LHFPL6: variants seen among roughly 807,000 people sequenced by gnomAD.
LHFPL6 encodes LHFPL tetraspan subfamily member 6.
A neutral mutation model predicts 20.6 loss-of-function variants in LHFPL6; 9 were observed. The ratio of observed to expected loss-of-function variants is 0.44; its 90% CI spans 0.26 to 0.76. The LOEUF (loss-of-function observed/expected upper bound fraction) is 0.76, where lower values mean the gene tolerates loss of function less well. LHFPL6 is among the 30% of genes least tolerant of loss of function. The pLI is 0.20. For synonymous variants in LHFPL6, 105 were observed against 98.7 expected (o/e 1.06, Z -0.38); for missense variants, 218 against 253.5 (o/e 0.86, Z 0.95).
intron 2 of LHFPL6, among the ~76,000 whole-genome samples, chr13:39,445,373 G>C (rs774267526): frequency 6.6e-6 from 1 of 152,136 alleles, no homozygotes; most frequent in Non-Finnish European, 1.5e-5. Flanking sequence ...TCAGGACTTT[G>C]TGAAGATTTA....
chr13:39,451,577 G>C (rs2138421427), intron 2 of LHFPL6, among the ~76,000 whole-genome samples: 1 of 152,302 alleles, frequency 6.6e-6, no homozygotes, highest in South Asian at 2.1e-4. Context: ...GAACTCAAAT[G>C]TATGCTCTTC....
intron 2 of LHFPL6, among the ~76,000 whole-genome samples, chr13:39,577,429 A>G (rs1872150400): frequency 6.6e-6 from 1 of 152,198 alleles, no homozygotes; most frequent in South Asian, 2.1e-4. Flanking sequence ...TGTGCTTCCA[A>G]GTACAAGTTA....
intron 2 of LHFPL6, among the ~76,000 whole-genome samples, chr13:39,529,347 C>T (rs1870390153): frequency 1.3e-5 from 2 of 152,288 alleles, no homozygotes; most frequent in South Asian, 4.1e-4. Context: ...CCACCTTGGC[C>T]TCCCAAAGTG....
intron 2 of LHFPL6, among the ~76,000 whole-genome samples, chr13:39,518,860 G>A (rs1870012935): frequency 6.6e-6 from 1 of 152,154 alleles, no homozygotes; most frequent in South Asian, 2.1e-4. Flanking sequence ...ACAATTAATG[G>A]GTAGCATCCA....
At chr13:39,571,613 C>T (rs1255036628) in intron 2 of LHFPL6, among the ~76,000 whole-genome samples, 3 of 152,212 alleles carry the variant, frequency 2.0e-5, no homozygotes, top group African/African-American at 7.2e-5. Flanking sequence ...GACAAGAGCT[C>T]GGGACCCACT....
chr13:39,492,096 G>T (rs1467981154), intron 2 of LHFPL6, among the ~76,000 whole-genome samples: 2 of 152,162 alleles, frequency 1.3e-5, no homozygotes, highest in Admixed American at 1.3e-4. Context: ...AGTGCCAAGC[G>T]CTATAAGTAC....
intron 2 of LHFPL6, among the ~76,000 whole-genome samples, chr13:39,489,005 T>A (rs1192398560): frequency 6.6e-6 from 1 of 152,210 alleles, no homozygotes; most frequent in East Asian, 1.9e-4. Flanking sequence ...ATCTGTTGGC[T>A]TTCCCGCTTT....
At chr13:39,501,130 A>G (rs369996237) in intron 2 of LHFPL6, among the ~76,000 whole-genome samples, 70 of 152,300 alleles carry the variant, frequency 4.6e-4, no homozygotes, top group South Asian at 1.7e-3. Context: ...AGAAGCCCAC[A>G]TCATAGGTGC....
intron 3 of LHFPL6, among the ~76,000 whole-genome samples, chr13:39,344,431 T>C (rs1869336088): frequency 6.6e-6 from 1 of 152,116 alleles, no homozygotes; most frequent in Non-Finnish European, 1.5e-5. Context: ...AAAATATAAA[T>C]GTTGATGCAA....
intron 3 of LHFPL6, among the ~76,000 whole-genome samples, chr13:39,355,087 G>C (rs1301907345): frequency 2.7e-5 from 4 of 147,812 alleles, no homozygotes; most frequent in Admixed American, 2.1e-4. Flanking sequence ...TAGATGCATA[G>C]TGATCAGACT....
Position 39,500,780 on chromosome 13 carries a change from AAATT to A in LHFPL6, c.385+100048_385+100051del, listed in dbSNP as rs1327527235. On this transcript the variant is annotated intron_variant, in intron 2 of 3. Coordinates refer to ENST00000379589, the MANE Select transcript of LHFPL6 (RefSeq NM_005780.3). ...TTGACACCTCTTTTAATTTCAAAATAAATTAAGTATTCTGACCAAAAGCAAACCC... is the reference window on the plus strand; with the variant it reads ...TTGACACCTCTTTTAATTTCAAAATAAAGTATTCTGACCAAAAGCAAACCC... Among the ~76,000 whole-genome samples the A allele has an allele frequency of 2.0e-5, 3 of 152,322 alleles. No individual in the cohort carries two copies. In the East Asian group the frequency reaches 5.8e-4, roughly 29 times the overall value.
chr13:39,426,406 G>C (rs1871639442), intron 2 of LHFPL6, among the ~76,000 whole-genome samples: 1 of 151,988 alleles, frequency 6.6e-6, no homozygotes, highest in South Asian at 2.1e-4. Context: ...TTTTAGTAGA[G>C]GTGGGGTTTC....
At chr13:39,381,198 A>T (rs1489307024) in intron 2 of LHFPL6, among the ~76,000 whole-genome samples, 1 of 152,174 alleles carries the variant, frequency 6.6e-6, no homozygotes, top group East Asian at 1.9e-4. Context: ...AATGAAAAAC[A>T]GTTTTATTTG....
Position 39,591,604 on chromosome 13 carries a change from T to C in LHFPL6, c.385+9228A>G, listed in dbSNP as rs572852546. On this transcript the variant is annotated intron_variant, in intron 2 of 3. Coordinates refer to ENST00000379589, the MANE Select transcript of LHFPL6 (RefSeq NM_005780.3). ...CCAATACTAGTACAATATGAGGTTT[T>C]AGGCAAATAAAATTGGTTTGTATTT... Among the ~76,000 whole-genome samples the C allele has an allele frequency of 4.1e-4, 63 of 152,294 alleles. 2 individuals are homozygous for C. The South Asian group carries it at 0.013, about 32-fold the overall frequency.
intron 2 of LHFPL6, among the ~76,000 whole-genome samples, chr13:39,435,837 C>G (rs1157427682): frequency 6.6e-6 from 1 of 151,982 alleles, no homozygotes; most frequent in African/African-American, 2.4e-5. Context: ...TATTTTCAAT[C>G]AAAACAACCT....
At chr13:39,473,255 T>C (rs1872993966) in intron 2 of LHFPL6, among the ~76,000 whole-genome samples, 1 of 151,232 alleles carries the variant, frequency 6.6e-6, no homozygotes. Flanking sequence ...CTTGACTCCT[T>C]TGAACAGGTG....
chr13:39,599,232 A>T (rs1057377105), intron 2 of LHFPL6, among the ~76,000 whole-genome samples: 1 of 152,242 alleles, frequency 6.6e-6, no homozygotes, highest in Non-Finnish European at 1.5e-5. Context: ...AATATTTACC[A>T]TAAGAGGAGA....
chr13:39,401,015 T>G (rs1870977355), intron 2 of LHFPL6, among the ~76,000 whole-genome samples: 1 of 152,140 alleles, frequency 6.6e-6, no homozygotes, highest in African/African-American at 2.4e-5. Flanking sequence ...AGCCATCCTA[T>G]AATTAACATA....
intron 2 of LHFPL6, among the ~76,000 whole-genome samples, chr13:39,591,412 C>T (rs1566149560): frequency 6.6e-6 from 1 of 152,056 alleles, no homozygotes; most frequent in Non-Finnish European, 1.5e-5. Flanking sequence ...ACAAGGCTAA[C>T]CATCACCTAA....
Sources: allele counts gnomAD v4.1 joint callset (sites outside exome capture counted in the v4.1 genomes callset), GRCh38; gene constraint gnomAD v4.1.1; transcripts MANE v1.5; gene names NCBI Gene and HGNC (gene_info 2026-07-23, HGNC 2026-07-21).